Variants in LRRC4C observed in about 807,000 individuals in gnomAD.
LRRC4C encodes leucine rich repeat containing 4C.
A neutral mutation model predicts 33.6 loss-of-function variants in LRRC4C; 5 were observed. The observed-to-expected ratio is 0.15, with a 90% CI of 0.08 to 0.31. The LOEUF (loss-of-function observed/expected upper bound fraction) is 0.31. Among genes scored for constraint, LRRC4C ranks in the 10% least tolerant of loss-of-function variants. The pLI, the probability that LRRC4C is intolerant of heterozygous loss-of-function variation, is 1.00. For missense variants in LRRC4C, 560 were observed against 796.7 expected (o/e 0.70, Z 3.58); for synonymous variants, 329 against 302.0 (o/e 1.09, Z -0.93).
intron 1 of LRRC4C, among the ~76,000 whole-genome samples, chr11:41,169,852 G>A (rs949873813): frequency 3.3e-5 from 5 of 152,088 alleles, no homozygotes; most frequent in African/African-American, 1.2e-4. Flanking sequence ...CAGGAAAACC[G>A]TGCTTAGATA....
intron 2 of LRRC4C, among the ~76,000 whole-genome samples, chr11:40,784,048 C>T (rs540797895): frequency 6.6e-6 from 1 of 150,934 alleles, no homozygotes; most frequent in Middle Eastern, 3.2e-3. Flanking sequence ...AAATAAGAAT[C>T]ATTTATCAAG....
intron 1 of LRRC4C, among the ~76,000 whole-genome samples, chr11:41,051,310 G>T (rs916757505): frequency 1.2e-4 from 18 of 151,948 alleles, no homozygotes; most frequent in Admixed American, 2.0e-4. Flanking sequence ...GGTGAACGAT[G>T]AATACAATAT....
intron 4 of LRRC4C, among the ~76,000 whole-genome samples, chr11:40,289,717 A>C (rs1380728670): frequency 6.6e-6 from 1 of 152,206 alleles, no homozygotes; most frequent in Non-Finnish European, 1.5e-5. Context: ...TACTAAACCA[A>C]AGGTGTTAAC....
chr11:41,174,717 T>C (rs1945121380), intron 1 of LRRC4C, among the ~76,000 whole-genome samples: 1 of 152,140 alleles, frequency 6.6e-6, no homozygotes, highest in African/African-American at 2.4e-5. Context: ...AATGATCAAC[T>C]ATATCCTAAT....
intron 4 of LRRC4C, among the ~76,000 whole-genome samples, chr11:40,307,347 G>T (rs1442427470): frequency 6.6e-6 from 1 of 152,110 alleles, no homozygotes; most frequent in Non-Finnish European, 1.5e-5. Context: ...CTATTCCCCA[G>T]CATAATCAAT....
intron 1 of LRRC4C, among the ~76,000 whole-genome samples, chr11:41,005,585 C>G (rs1396830377): frequency 2.0e-5 from 3 of 152,096 alleles, no homozygotes; most frequent in Non-Finnish European, 4.4e-5. Flanking sequence ...GCCTGGGTGA[C>G]AGAGTGAGAC....
chr11:40,783,282 T>C (rs989798174), intron 2 of LRRC4C, among the ~76,000 whole-genome samples: 42 of 151,758 alleles, frequency 2.8e-4, no homozygotes, highest in African/African-American at 1.0e-3. Flanking sequence ...TTTATTTTAT[T>C]TTATTTTATT....
At chr11:40,183,193 T>C (rs58261751) in intron 5 of LRRC4C, among the ~76,000 whole-genome samples, 2,268 of 152,336 alleles carry the variant, frequency 0.015, 59 homozygotes, top group African/African-American at 0.052. Flanking sequence ...ATGAATTTAA[T>C]CAAGGCATTT....
chr11:40,335,942 T>G (rs1946578472), intron 3 of LRRC4C, among the ~76,000 whole-genome samples: 1 of 152,186 alleles, frequency 6.6e-6, no homozygotes, highest in Non-Finnish European at 1.5e-5. Context: ...ATCTGTAAAA[T>G]GTAGACACTA....
chr11:41,093,747 T>A (rs1416179072), intron 1 of LRRC4C, among the ~76,000 whole-genome samples: 1 of 151,950 alleles, frequency 6.6e-6, no homozygotes, highest in East Asian at 1.9e-4. Flanking sequence ...TTAAAATGTA[T>A]ATTTGATGCT....
At chr11:40,528,676 A>T (rs1008386314) in intron 3 of LRRC4C, among the ~76,000 whole-genome samples, 1 of 152,218 alleles carries the variant, frequency 6.6e-6, no homozygotes, top group African/African-American at 2.4e-5. Context: ...ATCTCAAAAA[A>T]GATATCTGTA....
intron 5 of LRRC4C, among the ~76,000 whole-genome samples, chr11:40,210,547 T>C (rs1006479034): frequency 6.6e-6 from 1 of 152,126 alleles, no homozygotes; most frequent in Non-Finnish European, 1.5e-5. Flanking sequence ...TTCTTCAAAG[T>C]TTTGAAAAAT....
rs539124540 is a variant in LRRC4C, at chr11:41,032,192, C to T, written c.-495-98469G>A. Among the ~76,000 whole-genome samples, 53 of 152,100 alleles carry T rather than the reference C, an allele frequency of 3.5e-4. 2 individuals carry two copies. In the South Asian group the frequency reaches 0.011, roughly 30 times the overall value. On this transcript the variant is annotated intron_variant, in intron 1 of 6. Coordinates refer to ENST00000528697, the MANE Select transcript of LRRC4C (RefSeq NM_001258419.2). ...CAGACTCAATTCCAATCCTTCTGCC[C>T]CAGATTAATCTCAGACCCCCTGATG...
chr11:41,134,988 T>A, intron 1 of LRRC4C, among the ~76,000 whole-genome samples: 1 of 152,096 alleles, frequency 6.6e-6, no homozygotes, highest in East Asian at 1.9e-4. Context: ...ACTATCTCAT[T>A]ATGAAAGTCA....
chr11:40,194,984 C>A (rs189041366), intron 5 of LRRC4C, among the ~76,000 whole-genome samples: 12 of 151,482 alleles, frequency 7.9e-5, no homozygotes, highest in Admixed American at 7.2e-4. Flanking sequence ...CCAGCTACTC[C>A]GGAGGCTGAG....
intron 2 of LRRC4C, among the ~76,000 whole-genome samples, chr11:40,883,665 C>G (rs1955294553): frequency 6.6e-6 from 1 of 151,670 alleles, no homozygotes; most frequent in Admixed American, 6.6e-5. Context: ...GCATTTAGAG[C>G]TTTATAAGTC....
intron 2 of LRRC4C, among the ~76,000 whole-genome samples, chr11:40,783,154 G>A (rs1011317116): frequency 6.6e-6 from 1 of 152,102 alleles, no homozygotes; most frequent in African/African-American, 2.4e-5. Context: ...AGCGAAGTTT[G>A]AAATATTGAA....
At chr11:41,081,656 T>C (rs1038326649) in intron 1 of LRRC4C, among the ~76,000 whole-genome samples, 3 of 152,084 alleles carry the variant, frequency 2.0e-5, no homozygotes, top group Non-Finnish European at 4.4e-5. Context: ...TTTCCAATAT[T>C]TTTCTTAAAG....
intron 5 of LRRC4C, among the ~76,000 whole-genome samples, chr11:40,227,349 A>T (rs1864878507): frequency 6.6e-6 from 1 of 152,174 alleles, no homozygotes; most frequent in South Asian, 2.1e-4. Flanking sequence ...TTTGAAGATG[A>T]TTGTTATGAT....
Sources: allele counts gnomAD v4.1 joint callset (sites outside exome capture counted in the v4.1 genomes callset), GRCh38; gene constraint gnomAD v4.1.1; transcripts MANE v1.5; gene names NCBI Gene and HGNC (gene_info 2026-07-23, HGNC 2026-07-21).